The following ARHGAP24 variants were observed in gnomAD, a reference collection of about 807,000 sequenced individuals.
ARHGAP24 encodes the protein Rho GTPase activating protein 24.
Under a neutral mutation model 76.4 loss-of-function variants are expected in ARHGAP24, and 50 were observed. That is an observed-to-expected ratio of 0.65 (90% CI 0.52 to 0.83). The LOEUF (loss-of-function observed/expected upper bound fraction) is 0.83, where lower values mean the gene tolerates loss of function less well. ARHGAP24 is among the 40% of genes least tolerant of loss of function. The pLI is 0.00. For synonymous variants in ARHGAP24, 345 were observed against 323.3 expected, an observed-to-expected ratio of 1.07 and a Z score of -0.72; for missense variants, 930 against 914.2, an observed-to-expected ratio of 1.02 and a Z score of -0.22.
chr4:85,580,962 GTTATACTCTTATATTTTTGAAACTACAGC>G (rs1727584517), intron 2 of ARHGAP24, among the ~76,000 whole-genome samples: 1 of 152,020 alleles, frequency 6.6e-6, no homozygotes, highest in African/African-American at 2.4e-5. Flanking sequence ...AAAAACCTAT[GTTATACTCTTATATTTTTGAAACTACAGC>G]TTATAAATCA....
intron 1 of ARHGAP24, among the ~76,000 whole-genome samples, chr4:85,510,868 G>A (rs1197591733): frequency 1.5e-5 from 2 of 129,366 alleles, no homozygotes; most frequent in African/African-American, 3.0e-5. Flanking sequence ...TATTCTCATC[G>A]CCATTACTTT....
At chr4:85,991,114 A>G (rs989118108) in intron 8 of ARHGAP24, 1 of 152,074 alleles carries the variant, frequency 6.6e-6, no homozygotes, top group South Asian at 2.1e-4. Context: ...CAAAGAAGAT[A>G]CACAAATAGC....
intron 1 of ARHGAP24, among the ~76,000 whole-genome samples, chr4:85,569,904 G>T (rs1727011717): frequency 6.6e-6 from 1 of 152,162 alleles, no homozygotes; most frequent in African/African-American, 2.4e-5. Flanking sequence ...ACCTAGGCCT[G>T]CAGGGGCCTG....
At chr4:85,941,278 T>A (rs1279305086) in intron 4 of ARHGAP24, among the ~76,000 whole-genome samples, 1 of 152,202 alleles carries the variant, frequency 6.6e-6, no homozygotes, top group Non-Finnish European at 1.5e-5. Context: ...GGCCTAGGTG[T>A]ATACACCAAG....
chr4:85,778,364 C>G (rs1727384203), intron 3 of ARHGAP24, among the ~76,000 whole-genome samples: 1 of 152,142 alleles, frequency 6.6e-6, no homozygotes, highest in Non-Finnish European at 1.5e-5. Context: ...GCTTATTATG[C>G]AAGGATATAG....
chr4:85,847,507 A>G (rs896789551), intron 3 of ARHGAP24, among the ~76,000 whole-genome samples: 2 of 152,212 alleles, frequency 1.3e-5, no homozygotes, highest in Non-Finnish European at 2.9e-5. Flanking sequence ...GAACGGGTGG[A>G]GGAAAGTGTT....
At chr4:85,972,388 C>A in intron 6 of ARHGAP24, 1 of 582,718 alleles carries the variant, frequency 1.7e-6, no homozygotes, top group Non-Finnish European at 3.0e-6. Flanking sequence ...TAAATTAAAT[C>A]AGCACGACTT....
At chr4:85,611,425 A>G (rs948815137) in intron 2 of ARHGAP24, among the ~76,000 whole-genome samples, 2 of 152,190 alleles carry the variant, frequency 1.3e-5, no homozygotes, top group African/African-American at 4.8e-5. Context: ...ATGTATCTCC[A>G]CTAGATCCCA....
At chr4:85,477,411 A>G (rs1268495213) in intron 1 of ARHGAP24, among the ~76,000 whole-genome samples, 1 of 152,224 alleles carries the variant, frequency 6.6e-6, no homozygotes, top group African/African-American at 2.4e-5. Context: ...TAAGTTATCT[A>G]GAAAAAAATC....
intron 2 of ARHGAP24, among the ~76,000 whole-genome samples, chr4:85,628,071 C>T (rs971819746): frequency 5.3e-5 from 8 of 152,094 alleles, no homozygotes; most frequent in East Asian, 1.9e-4. Flanking sequence ...CATGGTGTGC[C>T]GCACCCACTT....
chr4:85,875,910 T>TG (rs1732908341), intron 3 of ARHGAP24, among the ~76,000 whole-genome samples: 1 of 151,320 alleles, frequency 6.6e-6, no homozygotes, highest in Non-Finnish European at 1.5e-5. Flanking sequence ...GCCTAGCTAA[T>TG]TTTTTTATTT....
chr4:85,837,164 GA>G (rs1730337572), intron 3 of ARHGAP24, among the ~76,000 whole-genome samples: 1 of 152,216 alleles, frequency 6.6e-6, no homozygotes, highest in Non-Finnish European at 1.5e-5. Flanking sequence ...CCTTAGGAGT[GA>G]ACTCAGAAGA....
intron 3 of ARHGAP24, among the ~76,000 whole-genome samples, chr4:85,771,764 C>T (rs540769047): frequency 3.9e-5 from 6 of 152,256 alleles, no homozygotes; most frequent in Admixed American, 3.9e-4. Flanking sequence ...GGCTTGAGTG[C>T]AGTGGCACAA....
At chr4:85,526,129 G>C (rs547854032) in intron 1 of ARHGAP24, among the ~76,000 whole-genome samples, 6 of 151,938 alleles carry the variant, frequency 3.9e-5, no homozygotes, top group Non-Finnish European at 7.4e-5. Context: ...ACTTATTTTT[G>C]GCCGGGTATG....
At chr4:85,949,531 GT>G (rs2148830889) in intron 5 of ARHGAP24, among the ~76,000 whole-genome samples, 1 of 152,264 alleles carries the variant, frequency 6.6e-6, no homozygotes, top group South Asian at 2.1e-4. Flanking sequence ...TGAGTCTCTT[GT>G]TTTCTCTTCT....
intron 2 of ARHGAP24, among the ~76,000 whole-genome samples, chr4:85,617,802 GCCAC>G (rs1720589154): frequency 6.6e-6 from 1 of 152,040 alleles, no homozygotes; most frequent in Non-Finnish European, 1.5e-5. Context: ...AATTTACATT[GCCAC>G]TGGCAATGTA....
intron 3 of ARHGAP24, among the ~76,000 whole-genome samples, chr4:85,743,310 T>G (rs919600284): frequency 7.0e-6 from 1 of 142,094 alleles, no homozygotes; most frequent in Non-Finnish European, 1.5e-5. Flanking sequence ...ATCAAGCATT[T>G]GAAAGAGCCA....
intron 3 of ARHGAP24, among the ~76,000 whole-genome samples, chr4:85,728,194 G>A (rs1725240684): frequency 1.4e-5 from 2 of 147,170 alleles, no homozygotes; most frequent in South Asian, 4.3e-4. Context: ...GAGGACATGG[G>A]TGCCTAAAGA....
chr4:85,712,432 A>T (rs1030237167), intron 2 of ARHGAP24, among the ~76,000 whole-genome samples: 5 of 152,124 alleles, frequency 3.3e-5, no homozygotes, highest in African/African-American at 1.2e-4. Context: ...AGTTGTTGCC[A>T]CCTTTTTTGT....
Sources: gnomAD v4.1 joint callset for allele counts (sites outside exome capture counted in the v4.1 genomes callset) on GRCh38, gnomAD v4.1.1 for gene constraint, MANE v1.5 for transcripts, NCBI Gene and HGNC (gene_info 2026-07-23, HGNC 2026-07-21) for gene names.